Variants in IGSF11 observed in about 807,000 individuals in gnomAD.
IGSF11 encodes CXADR like 1.
A neutral mutation model predicts 41.0 loss-of-function variants in IGSF11; 22 were observed. The ratio of observed to expected loss-of-function variants is 0.54; its 90% CI spans 0.38 to 0.77. IGSF11 has a LOEUF of 0.77. IGSF11 is among the 30% of genes least tolerant of loss of function. IGSF11 has a pLI of 0.00. For missense variants in IGSF11, 444 were observed against 530.8 expected (o/e 0.84, Z 1.61); for synonymous variants, 219 against 201.3 (o/e 1.09, Z -0.74).
At chr3:119,099,300 G>A (rs1242110693) in intron 1 of IGSF11, among the ~76,000 whole-genome samples, 1 of 152,214 alleles carries the variant, frequency 6.6e-6, no homozygotes, top group African/African-American at 2.4e-5. Context: ...GCAAAAACTG[G>A]GAAAGGGAAG....
chr3:119,119,469 C>T (rs2077303464), intron 1 of IGSF11, among the ~76,000 whole-genome samples: 1 of 152,182 alleles, frequency 6.6e-6, no homozygotes, highest in Non-Finnish European at 1.5e-5. Context: ...CCTACCAGGT[C>T]CCTCCCACAA....
chr3:118,984,549 G>C (rs1013079851), intron 1 of IGSF11, among the ~76,000 whole-genome samples: 18 of 152,026 alleles, frequency 1.2e-4, no homozygotes, highest in Non-Finnish European at 2.5e-4. Flanking sequence ...TAGAAAGAAG[G>C]GAAGGAGGAA....
intron 1 of IGSF11, among the ~76,000 whole-genome samples, chr3:119,058,147 T>C (rs982662635): frequency 1.3e-5 from 2 of 152,246 alleles, no homozygotes; most frequent in South Asian, 2.1e-4. Context: ...CTCAAGAGCT[T>C]CTGCACAGCA....
intron 1 of IGSF11, among the ~76,000 whole-genome samples, chr3:118,964,355 G>A (rs536122661): frequency 1.6e-4 from 24 of 152,256 alleles, no homozygotes; most frequent in Admixed American, 1.0e-3. Flanking sequence ...CAGACAATGA[G>A]TGCAAGTCAG....
intron 1 of IGSF11, among the ~76,000 whole-genome samples, chr3:119,085,108 GGGAGGTGGCTCC>G (rs2076649500): frequency 6.6e-6 from 1 of 152,160 alleles, no homozygotes; most frequent in African/African-American, 2.4e-5. Flanking sequence ...TGCCAATGAT[GGGAGGTGGCTCC>G]CCCAAGGCTC....
At chr3:119,118,822 G>A (rs538975048) in intron 1 of IGSF11, among the ~76,000 whole-genome samples, 1 of 152,284 alleles carries the variant, frequency 6.6e-6, no homozygotes, top group Admixed American at 6.5e-5. Context: ...TCTTCTGCCA[G>A]ATACCCCTAA....
intron 1 of IGSF11, among the ~76,000 whole-genome samples, chr3:118,983,798 G>A (rs1934978186): frequency 6.6e-6 from 1 of 152,142 alleles, no homozygotes; most frequent in Non-Finnish European, 1.5e-5. Flanking sequence ...CATAGTAGAT[G>A]CAAATCCCAC....
chr3:119,001,341 G>A (rs1007721188), intron 1 of IGSF11, among the ~76,000 whole-genome samples: 7 of 151,578 alleles, frequency 4.6e-5, no homozygotes, highest in Admixed American at 3.9e-4. Flanking sequence ...CACATGGGCA[G>A]GGAACTTCTT....
At chr3:119,084,201 C>T (rs34126096) in intron 1 of IGSF11, among the ~76,000 whole-genome samples, 15,711 of 151,878 alleles carry the variant, frequency 0.1, 1,041 homozygotes, top group Non-Finnish European at 0.14. Flanking sequence ...GTAATTTGAA[C>T]AGATCTTTGG....
intron 1 of IGSF11, among the ~76,000 whole-genome samples, chr3:119,023,060 G>A (rs907433368): frequency 5.9e-5 from 9 of 151,966 alleles, no homozygotes; most frequent in Non-Finnish European, 1.3e-4. Context: ...TCAGGAGTAT[G>A]AGACCAGCCT....
chr3:118,969,067 A>G (rs1933061045), intron 1 of IGSF11, among the ~76,000 whole-genome samples: 1 of 152,206 alleles, frequency 6.6e-6, no homozygotes, highest in South Asian at 2.1e-4. Flanking sequence ...AGAGAACACA[A>G]GAGAAAAACA....
chr3:118,939,350 T>C (rs1341250231), intron 1 of IGSF11, among the ~76,000 whole-genome samples: 1 of 151,918 alleles, frequency 6.6e-6, no homozygotes, highest in East Asian at 1.9e-4. Flanking sequence ...CCAAGGCAGG[T>C]GGATCACCTG....
intron 1 of IGSF11, among the ~76,000 whole-genome samples, chr3:119,064,511 C>CT (rs779910295): frequency 0.29 from 29,361 of 101,350 alleles, 4,320 homozygotes; most frequent in Non-Finnish European, 0.33. Context: ...CTTGGCTGCT[C>CT]TTTTTTTTTT....
At chr3:119,136,588 T>C (rs1034270635) in intron 1 of IGSF11, among the ~76,000 whole-genome samples, 5 of 152,142 alleles carry the variant, frequency 3.3e-5, no homozygotes, top group African/African-American at 1.2e-4. Flanking sequence ...AGAAGGTCAC[T>C]ATATAAAGAT....
chr3:118,953,227 A>C (rs1944705105), intron 1 of IGSF11, among the ~76,000 whole-genome samples: 1 of 152,102 alleles, frequency 6.6e-6, no homozygotes, highest in African/African-American at 2.4e-5. Flanking sequence ...CCATGATTTC[A>C]ACGCTTTTTA....
chr3:119,021,004 T>C (rs1939230374), intron 1 of IGSF11, among the ~76,000 whole-genome samples: 1 of 152,182 alleles, frequency 6.6e-6, no homozygotes, highest in South Asian at 2.1e-4. Flanking sequence ...TCTCAACAGT[T>C]TGTTAGAAAA....
chr3:118,959,503 A>G (rs903420231), intron 1 of IGSF11, among the ~76,000 whole-genome samples: 1 of 152,248 alleles, frequency 6.6e-6, no homozygotes, highest in African/African-American at 2.4e-5. Flanking sequence ...TAGGTGAGTA[A>G]TAACATACAT....
intron 1 of IGSF11, among the ~76,000 whole-genome samples, chr3:118,955,379 A>G (rs1239042412): frequency 1.3e-5 from 2 of 152,090 alleles, no homozygotes; most frequent in Non-Finnish European, 2.9e-5. Flanking sequence ...GGAAAACCAA[A>G]TATCATGTGT....
At chr3:118,966,663 C>T (rs879564181) in intron 1 of IGSF11, among the ~76,000 whole-genome samples, 24 of 152,226 alleles carry the variant, frequency 1.6e-4, no homozygotes, top group Middle Eastern at 6.8e-3. Flanking sequence ...GGCAACATTA[C>T]GACAGCATAT....
Sources: allele counts gnomAD v4.1 joint callset (sites outside exome capture counted in the v4.1 genomes callset), GRCh38; gene constraint gnomAD v4.1.1; transcripts MANE v1.5; gene names NCBI Gene and HGNC (gene_info 2026-07-23, HGNC 2026-07-21).